The following CLYBL variants were observed in gnomAD, a reference collection of about 807,000 sequenced individuals.
CLYBL encodes the protein citramalyl-CoA lyase, mitochondrial.
A neutral mutation model predicts 38.9 loss-of-function variants in CLYBL; 31 were observed. That is an observed-to-expected ratio of 0.80 (90% CI 0.60 to 1.08). The LOEUF (loss-of-function observed/expected upper bound fraction) is 1.08, where lower values mean the gene tolerates loss of function less well. Ranked by LOEUF, CLYBL falls within the 50% of genes least tolerant of loss-of-function variation. The probability of loss-of-function intolerance (pLI) is 0.00; values close to 1 mark genes in which losing one functional copy is unlikely to be tolerated. For synonymous variants in CLYBL, 171 were observed against 158.6 expected (o/e 1.08, Z -0.59); for missense variants, 434 against 411.6 (o/e 1.05, Z -0.47).
downstream of CLYBL, among the ~76,000 whole-genome samples, chr13:99,901,386 G>C (rs1489362144): frequency 6.6e-6 from 1 of 152,082 alleles, no homozygotes; most frequent in African/African-American, 2.4e-5. Context: ...GTGTGTTTTG[G>C]AGGTAAATCG....
chr13:99,756,038 T>C (rs1389152040), intron 1 of CLYBL, among the ~76,000 whole-genome samples: 1 of 152,228 alleles, frequency 6.6e-6, no homozygotes, highest in Non-Finnish European at 1.5e-5. Flanking sequence ...GCACGTTTAT[T>C]ATCTCACTGT....
intron 1 of CLYBL, among the ~76,000 whole-genome samples, chr13:99,693,239 A>C (rs2139436097): frequency 6.6e-6 from 1 of 152,292 alleles, no homozygotes; most frequent in Middle Eastern, 3.4e-3. Context: ...AAGTTTCTTG[A>C]GACAGGGATT....
chr13:99,794,581 T>TTTATTATTATTATTATTATTA (rs1221444900), intron 2 of CLYBL, among the ~76,000 whole-genome samples: 17,704 of 143,648 alleles, frequency 0.12, 1,181 homozygotes, highest in African/African-American at 0.15. Context: ...TATATTTTCA[T>TTTATTATTATTATTATTATTA]TTATTATTAT....
At chr13:99,607,458 G>A (rs1484678385) in intron 1 of CLYBL, among the ~76,000 whole-genome samples, 1 of 152,160 alleles carries the variant, frequency 6.6e-6, no homozygotes, top group East Asian at 1.9e-4. Flanking sequence ...GTTGGGAAAG[G>A]GAGGACCAAG....
intron 1 of CLYBL, among the ~76,000 whole-genome samples, chr13:99,705,001 G>T (rs1566615006): frequency 6.6e-6 from 1 of 152,124 alleles, no homozygotes; most frequent in Non-Finnish European, 1.5e-5. Flanking sequence ...ACAACATTAT[G>T]TTTGCAACAT....
At chr13:99,774,670 A>T (rs569157339) in intron 2 of CLYBL, among the ~76,000 whole-genome samples, 9 of 152,202 alleles carry the variant, frequency 5.9e-5, no homozygotes, top group Admixed American at 2.0e-4. Context: ...TTAAAGAAAA[A>T]ATTTAATTTC....
intron 1 of CLYBL, among the ~76,000 whole-genome samples, chr13:99,665,059 A>G (rs1308419163): frequency 3.3e-5 from 5 of 151,596 alleles, no homozygotes; most frequent in African/African-American, 9.7e-5. Flanking sequence ...TTCTTCTAAA[A>G]ATCCCAAAAT....
intron 7 of CLYBL, among the ~76,000 whole-genome samples, chr13:99,886,378 C>T (rs1288478467): frequency 6.6e-6 from 1 of 152,250 alleles, no homozygotes; most frequent in Non-Finnish European, 1.5e-5. Flanking sequence ...ATCACCTTCA[C>T]CATCAAATTG....
chr13:99,736,038 C>CTTTTTTTTTTTTTTTT (rs767129851), intron 1 of CLYBL, among the ~76,000 whole-genome samples: 7 of 76,172 alleles, frequency 9.2e-5, no homozygotes, highest in Non-Finnish European at 1.7e-4. Context: ...CGTTTCTTTT[C>CTTTTTTTTTTTTTTTT]TTTTTTTTTT....
At chr13:99,864,103 A>C (rs375001795) in intron 4 of CLYBL, among the ~76,000 whole-genome samples, 1 of 152,184 alleles carries the variant, frequency 6.6e-6, no homozygotes, top group East Asian at 1.9e-4. Context: ...CCAGTGATTT[A>C]ATTTTAAGCA....
intron 2 of CLYBL, among the ~76,000 whole-genome samples, chr13:99,838,070 T>TA (rs1240817409): frequency 6.6e-6 from 1 of 152,242 alleles, no homozygotes; most frequent in Non-Finnish European, 1.5e-5. Context: ...TGATAGTTTT[T>TA]ATCTATTCTT....
rs969675810 is a variant in CLYBL, at chr13:99,748,041, C to T, written c.63-24783C>T. Among the ~76,000 whole-genome samples, 7 of 152,244 alleles carry T rather than the reference C, an allele frequency of 4.6e-5. No individual in the cohort carries two copies. In the East Asian group the frequency reaches 1.2e-3, roughly 25 times the overall value. On this transcript the variant is annotated intron_variant, in intron 1 of 8. Coordinates refer to ENST00000339105, the MANE Select transcript of CLYBL (RefSeq NM_206808.5). ...TTGTGCGACCATCCCCACCACCCAT[C>T]TCCAGAATTTTTCATCTTCCCGAAC...
chr13:99,771,060 G>A (rs2049384098), intron 1 of CLYBL, among the ~76,000 whole-genome samples: 2 of 129,196 alleles, frequency 1.5e-5, no homozygotes, highest in African/African-American at 3.1e-5. Context: ...TTGAGGCAAG[G>A]TATTGCTCTG....
At chr13:99,611,663 C>T (rs989949145) in intron 1 of CLYBL, among the ~76,000 whole-genome samples, 5 of 152,162 alleles carry the variant, frequency 3.3e-5, no homozygotes, top group African/African-American at 9.7e-5. Context: ...GGAGAGTTCC[C>T]GCTTCTATTT....
At chr13:99,743,962 C>CTT (rs2048801866) in intron 1 of CLYBL, among the ~76,000 whole-genome samples, 2 of 124,194 alleles carry the variant, frequency 1.6e-5, no homozygotes, top group African/African-American at 3.1e-5. Context: ...TTTTTCTCTT[C>CTT]TTTCTTTTTT....
intron 2 of CLYBL, among the ~76,000 whole-genome samples, chr13:99,828,890 A>G (rs771573747): frequency 6.6e-6 from 1 of 152,146 alleles, no homozygotes; most frequent in Non-Finnish European, 1.5e-5. Context: ...GGCTTTGTAC[A>G]TATGCTGAAT....
At chr13:99,822,390 G>A (rs994057379) in intron 2 of CLYBL, among the ~76,000 whole-genome samples, 16 of 152,206 alleles carry the variant, frequency 1.1e-4, no homozygotes, top group African/African-American at 3.9e-4. Context: ...CATGAAAGAA[G>A]TCAAAGAAAT....
At chr13:99,907,665 C>T (rs2052710613) in intron 9 of CLYBL, among the ~76,000 whole-genome samples, 1 of 152,054 alleles carries the variant, frequency 6.6e-6, no homozygotes, top group Admixed American at 6.6e-5. Context: ...CAAAACCAGC[C>T]TGGCAACGTA....
intron 2 of CLYBL, among the ~76,000 whole-genome samples, chr13:99,800,237 A>G (rs1173354156): frequency 6.6e-6 from 1 of 152,198 alleles, no homozygotes; most frequent in Non-Finnish European, 1.5e-5. Flanking sequence ...TCCACTGGCC[A>G]CCATGATTGG....
Sources: allele counts gnomAD v4.1 joint callset (sites outside exome capture counted in the v4.1 genomes callset), GRCh38; gene constraint gnomAD v4.1.1; transcripts MANE v1.5; gene names NCBI Gene and HGNC (gene_info 2026-07-23, HGNC 2026-07-21).